The following AZI2 variants were observed in gnomAD, a reference collection of about 807,000 sequenced individuals.
AZI2 encodes 5-azacytidine induced 2.
AZI2 carries 22 observed loss-of-function variants against 45.8 expected under a neutral mutation model. That is an observed-to-expected ratio of 0.48 (90% CI 0.34 to 0.69). AZI2 has a LOEUF of 0.69. Among genes scored for constraint, AZI2 ranks in the 30% least tolerant of loss-of-function variants. The probability of loss-of-function intolerance (pLI) is 0.01; values close to 1 mark genes in which losing one functional copy is unlikely to be tolerated. For synonymous variants in AZI2, 137 were observed against 156.7 expected (o/e 0.87, Z 0.94); for missense variants, 417 against 441.5 (o/e 0.94, Z 0.50).
chr3:28,343,443 G>T (rs1704106562), intron 1 of AZI2, among the ~76,000 whole-genome samples: 1 of 151,936 alleles, frequency 6.6e-6, no homozygotes, highest in South Asian at 2.1e-4. Flanking sequence ...GTCCTTCCTG[G>T]TAGAGGCACT....
intron 1 of AZI2, among the ~76,000 whole-genome samples, chr3:28,347,237 A>AT (rs2125675652): frequency 6.6e-6 from 1 of 152,342 alleles, no homozygotes; most frequent in East Asian, 1.9e-4. Context: ...AAACTTCAGC[A>AT]TTTTACTTAA....
In AZI2 at chr3:28,324,028, G is replaced by T. The variant is rs759355570; in HGVS notation, c.*14C>A. On this transcript the variant is annotated 3_prime_UTR_variant, in exon 8 of 8. Transcript: ENST00000479665. Reference sequence around the variant, plus strand: ...ATAAGTGTCCTCATGGTGAAATCGTGAATCTCTTCCAAATTAATTCTTATA... The same window carrying T: ...ATAAGTGTCCTCATGGTGAAATCGTTAATCTCTTCCAAATTAATTCTTATA... 6.3e-7 allele frequency: 1 copy of T among 1,587,832 alleles called. No individual in the cohort carries two copies. The highest frequency in any genetic ancestry group is 8.6e-7 in the Non-Finnish European group (1 of 1,161,912).
intron 4 of AZI2, 53 bp from the exon 5 acceptor site, chr3:28,336,938 C>CAA: frequency 6.4e-7 from 1 of 1,551,670 alleles, no homozygotes; most frequent in South Asian, 1.2e-5. Context: ...ACATTGACTG[C>CAA]AATTCTTAAA....
chr3:28,333,244 A>T (rs1054892415), intron 5 of AZI2, among the ~76,000 whole-genome samples: 2 of 151,800 alleles, frequency 1.3e-5, no homozygotes, highest in Non-Finnish European at 2.9e-5. Flanking sequence ...GGACTTCATG[A>T]GTACTCTCAA....
At chr3:28,335,046 G>A (rs1417727200) in intron 5 of AZI2, among the ~76,000 whole-genome samples, 1 of 152,036 alleles carries the variant, frequency 6.6e-6, no homozygotes, top group African/African-American at 2.4e-5. Context: ...TACTGGATCA[G>A]TAAATGAAGT....
chr3:28,341,879 A>G (rs1704030997), intron 1 of AZI2, among the ~76,000 whole-genome samples: 1 of 152,116 alleles, frequency 6.6e-6, no homozygotes, highest in African/African-American at 2.4e-5. Flanking sequence ...GTTCAAGAAC[A>G]TTATAGATGA....
chr3:28,333,132 T>C (rs1256387791), intron 5 of AZI2, among the ~76,000 whole-genome samples: 1 of 151,832 alleles, frequency 6.6e-6, no homozygotes, highest in African/African-American at 2.4e-5. Context: ...TCCTGGCAGA[T>C]GTGGCCAGTA....
intron 6 of AZI2, chr3:28,331,648 T>G: frequency 8.1e-7 from 1 of 1,237,598 alleles, no homozygotes; most frequent in Non-Finnish European, 1.0e-6. Flanking sequence ...ATTATTTACT[T>G]AGGTCAGTAA....
intron 6 of AZI2, among the ~76,000 whole-genome samples, chr3:28,330,690 G>C (rs1294232612): frequency 2.0e-5 from 3 of 151,290 alleles, no homozygotes; most frequent in African/African-American, 7.3e-5. Context: ...AACCAGAAGA[G>C]AGAAACCTAA....
At chr3:28,326,054 A>T (rs112713598) in intron 7 of AZI2, among the ~76,000 whole-genome samples, 1,576 of 151,234 alleles carry the variant, frequency 0.01, 26 homozygotes, top group African/African-American at 0.036. Context: ...CTAGATGGTG[A>T]TAATCTTTTA....
In AZI2 at chr3:28,340,628, T is replaced by TAAAA; in HGVS notation, c.-5-10_-5-7dup. On this transcript the variant is annotated splice_polypyrimidine_tract_variant and splice_region_variant and intron_variant, in intron 1 of 7. Transcript: ENST00000479665. ...TACCAGTGCATCCATGACAACTGTT[T>TAAAA]AAAAGAAAAAAAATATGAGTGACAA... 6.4e-7 allele frequency: 1 copy of TAAAA among 1,569,894 alleles called. No homozygotes were observed.
chr3:28,337,892 AT>A, intron 4 of AZI2, 44 bp downstream of exon 4: 2 of 1,236,456 alleles, frequency 1.6e-6, no homozygotes, highest in Non-Finnish European at 2.2e-6. Context: ...AAATGGAAAA[AT>A]ATGTTAATTC....
In AZI2 at chr3:28,323,156, C is replaced by CTGCTCTACACAATG. The variant is rs1350497095; in HGVS notation, c.*872_*885dup. 1 of 150,714 alleles carries CTGCTCTACACAATG rather than the reference C, an allele frequency of 6.6e-6. No individual in the cohort carries two copies. Among genetic ancestry groups the CTGCTCTACACAATG allele is most frequent in the African/African-American group, 2.4e-5 (1 of 41,170 alleles). 9.3% of individuals were successfully genotyped at this position (150,714 alleles called of 1,614,324 possible). ...AACACAAAGTCTAACAATTTAGAAG[C>CTGCTCTACACAATG]TGCTCTACACAATGTGCAGCTAGCT... On this transcript the variant is annotated 3_prime_UTR_variant, in exon 8 of 8. Coordinates refer to ENST00000479665, the MANE Select transcript of AZI2 (RefSeq NM_022461.5).
At chr3:28,335,323 T>A (rs1287057853) in intron 5 of AZI2, among the ~76,000 whole-genome samples, 1 of 151,872 alleles carries the variant, frequency 6.6e-6, no homozygotes, top group Non-Finnish European at 1.5e-5. Flanking sequence ...TAATGACAAT[T>A]ATAATTCAGA....
chr3:28,339,976 G>A (rs985865851), intron 2 of AZI2, among the ~76,000 whole-genome samples: 4 of 152,094 alleles, frequency 2.6e-5, no homozygotes, highest in Admixed American at 2.0e-4. Context: ...TTAAAGAAGA[G>A]AAAGAATGTT....
In AZI2 at chr3:28,321,400, C is replaced by T. The variant is rs1703185858; in HGVS notation, c.*2642G>A. 1 of 151,372 alleles carries T rather than the reference C, an allele frequency of 6.6e-6. No individual in the cohort carries two copies. Among genetic ancestry groups the T allele is most frequent in the African/African-American group, 2.4e-5 (1 of 41,336 alleles). 9.4% of individuals were successfully genotyped at this position (151,372 alleles called of 1,614,324 possible). A position where few individuals can be genotyped will look rare whatever the true frequency, so the allele number is the denominator to read the frequency against. On this transcript the variant is annotated 3_prime_UTR_variant, in exon 8 of 8. Coordinates refer to ENST00000479665, the MANE Select transcript of AZI2 (RefSeq NM_022461.5). ...AGAAAATTCACTTATGTACATGTTG[C>T]TTTCCCCATAGAAGCCAGATTAGAT...
At chr3:28,340,670 G>A in intron 1 of AZI2, 48 bp from the exon 2 acceptor site, 4 of 1,414,568 alleles carry the variant, frequency 2.8e-6, no homozygotes, top group Admixed American at 4.2e-5. Flanking sequence ...CACTGAATAA[G>A]TGAAAAGGAA....
chr3:28,347,698 G>GT (rs1704312558), intron 1 of AZI2, among the ~76,000 whole-genome samples: 1 of 152,104 alleles, frequency 6.6e-6, no homozygotes, highest in African/African-American at 2.4e-5. Context: ...TTCTACTTGC[G>GT]TAAGATGTCT....
At chr3:28,338,128 T>C in intron 3 of AZI2, 92 bp from the exon 4 acceptor site, 1 of 646,716 alleles carries the variant, frequency 1.5e-6, no homozygotes, top group Admixed American at 3.7e-5. Flanking sequence ...AAAAACACAT[T>C]CTTGTCTTTA....
Sources: gnomAD v4.1 joint callset for allele counts (sites outside exome capture counted in the v4.1 genomes callset) on GRCh38, gnomAD v4.1.1 for gene constraint, MANE v1.5 for transcripts, NCBI Gene and HGNC (gene_info 2026-07-23, HGNC 2026-07-21) for gene names.